Variants in NSMCE2 observed in about 807,000 individuals in gnomAD.
NSMCE2 encodes E3 SUMO-protein ligase NSE2.
A neutral mutation model predicts 23.8 loss-of-function variants in NSMCE2; 24 were observed. The observed-to-expected ratio is 1.01, with a 90% confidence interval of 0.73 to 1.42. The LOEUF is 1.42. NSMCE2 is among the 40% of genes most tolerant of loss of function. The probability of loss-of-function intolerance (pLI) is 0.00; values close to 1 mark genes in which losing one functional copy is unlikely to be tolerated. For synonymous variants in NSMCE2, 92 were observed against 94.1 expected (o/e 0.98, Z 0.13); for missense variants, 284 against 296.5 (o/e 0.96, Z 0.31).
intron 3 of NSMCE2, among the ~76,000 whole-genome samples, chr8:125,137,161 C>T (rs1820109996): frequency 6.6e-6 from 1 of 152,118 alleles, no homozygotes; most frequent in African/African-American, 2.4e-5. Context: ...GTTGTTCCCT[C>T]CTTTTGTGAT....
At chr8:125,225,346 C>G (rs1287261450) in intron 5 of NSMCE2, among the ~76,000 whole-genome samples, 1 of 152,212 alleles carries the variant, frequency 6.6e-6, no homozygotes, top group Non-Finnish European at 1.5e-5. Flanking sequence ...CTAACAACCT[C>G]TTTCTGTCCT....
At chr8:125,155,580 TTA>T (rs1387338144) in intron 4 of NSMCE2, among the ~76,000 whole-genome samples, 3 of 152,218 alleles carry the variant, frequency 2.0e-5, no homozygotes, top group African/African-American at 7.2e-5. Context: ...GATTTAAGAA[TTA>T]TTTTATTATC....
chr8:125,318,523 T>A (rs1829298540), intron 5 of NSMCE2, among the ~76,000 whole-genome samples: 1 of 152,208 alleles, frequency 6.6e-6, no homozygotes, highest in Admixed American at 6.5e-5. Flanking sequence ...ATTCAACATG[T>A]AAGTCCACAC....
rs966304626 is a variant in NSMCE2, at chr8:125,145,023, A to G, written c.158-6148A>G. Among the ~76,000 whole-genome samples, 13 of 152,326 alleles carry G rather than the reference A, an allele frequency of 8.5e-5. No individual in the cohort carries two copies. The East Asian group carries it at 9.6e-4, about 11-fold the overall frequency. On this transcript the variant is annotated intron_variant, in intron 3 of 7. Transcript: ENST00000287437. ...CTTTAGGAAAATCATACGCAGGCCA[A>G]CTTCACCCATTTAGAGACTTTTTGT...
At chr8:125,297,323 C>G (rs1040830664) in intron 5 of NSMCE2, among the ~76,000 whole-genome samples, 1 of 152,180 alleles carries the variant, frequency 6.6e-6, no homozygotes, top group East Asian at 1.9e-4. Flanking sequence ...TTTTCCCCTC[C>G]CCTGCAAAGG....
At chr8:125,322,999 C>T (rs1829515207) in intron 5 of NSMCE2, among the ~76,000 whole-genome samples, 1 of 152,132 alleles carries the variant, frequency 6.6e-6, no homozygotes, top group Non-Finnish European at 1.5e-5. Context: ...TCGGAGGTTG[C>T]AGTGAGCCAA....
chr8:125,272,768 C>T (rs1330395078), intron 5 of NSMCE2, among the ~76,000 whole-genome samples: 1 of 140,066 alleles, frequency 7.1e-6, no homozygotes, highest in African/African-American at 2.7e-5. Context: ...TATATATATA[C>T]ACACACACGT....
chr8:125,171,082 C>A lies in NSMCE2; in HGVS notation c.265-11021C>A, dbSNP rs1027425519. Among the ~76,000 whole-genome samples, 3 of 152,196 alleles carry A rather than the reference C, an allele frequency of 2.0e-5. No individual in the cohort carries two copies. The South Asian group carries it at 6.2e-4, about 31-fold the overall frequency. ...TGACTCCAACTATATGGCTCACCCC[C>A]TCATTTTCTTTAGGTCTCTGGTTCA... On this transcript the variant is annotated intron_variant, in intron 4 of 7. Coordinates refer to ENST00000287437, the MANE Select transcript of NSMCE2 (RefSeq NM_173685.4).
At chr8:125,112,500 A>G (rs372210772) in intron 3 of NSMCE2, among the ~76,000 whole-genome samples, 4 of 152,230 alleles carry the variant, frequency 2.6e-5, no homozygotes, top group Admixed American at 6.5e-5. Flanking sequence ...GTGTCTATCA[A>G]TGGATGAATG....
intron 3 of NSMCE2, among the ~76,000 whole-genome samples, chr8:125,128,929 C>A (rs1819632323): frequency 6.6e-6 from 1 of 152,136 alleles, no homozygotes; most frequent in African/African-American, 2.4e-5. Flanking sequence ...TAATCTTAAT[C>A]CCCCCTTTCC....
chr8:125,295,703 C>T (rs184027461), intron 5 of NSMCE2, among the ~76,000 whole-genome samples: 90 of 152,140 alleles, frequency 5.9e-4, no homozygotes, highest in Non-Finnish European at 1.2e-3. Context: ...TTGTGTGGCT[C>T]GGTTGGGGAA....
intron 7 of NSMCE2, among the ~76,000 whole-genome samples, chr8:125,359,739 G>A (rs1813446876): frequency 6.6e-6 from 1 of 152,200 alleles, no homozygotes; most frequent in Admixed American, 6.5e-5. Context: ...AGTACTTAAA[G>A]TAGCTGGTAC....
intron 4 of NSMCE2, among the ~76,000 whole-genome samples, chr8:125,166,464 A>G (rs775884657): frequency 1.6e-4 from 25 of 152,114 alleles, no homozygotes; most frequent in Non-Finnish European, 3.2e-4. Flanking sequence ...ATGGGGATTC[A>G]TCATGTTGAC....
At chr8:125,132,282 T>G (rs935219824) in intron 3 of NSMCE2, among the ~76,000 whole-genome samples, 7 of 152,118 alleles carry the variant, frequency 4.6e-5, no homozygotes, top group Non-Finnish European at 8.8e-5. Flanking sequence ...AAAAATGTTT[T>G]GTACAGACAG....
At chr8:125,189,461 C>G (rs917936116) in intron 5 of NSMCE2, among the ~76,000 whole-genome samples, 6 of 152,204 alleles carry the variant, frequency 3.9e-5, no homozygotes, top group Admixed American at 3.9e-4. Context: ...TGGGCCTGTC[C>G]AGACATGCCT....
At chr8:125,132,415 A>C (rs1223500776) in intron 3 of NSMCE2, among the ~76,000 whole-genome samples, 1 of 152,130 alleles carries the variant, frequency 6.6e-6, no homozygotes, top group Non-Finnish European at 1.5e-5. Context: ...TCAGCTCTCT[A>C]GGAAGCAGTG....
At chr8:125,303,013 G>A (rs1445675355) in intron 5 of NSMCE2, among the ~76,000 whole-genome samples, 5 of 152,090 alleles carry the variant, frequency 3.3e-5, no homozygotes, top group Admixed American at 6.6e-5. Context: ...CACACTCCCC[G>A]CATCTTCTGT....
At chr8:125,206,098 A>G (rs1385678076) in intron 5 of NSMCE2, among the ~76,000 whole-genome samples, 1 of 152,206 alleles carries the variant, frequency 6.6e-6, no homozygotes, top group African/African-American at 2.4e-5. Context: ...GTTTTATCAT[A>G]TAATATTAAA....
At chr8:125,113,491 T>C (rs1383547707) in intron 3 of NSMCE2, among the ~76,000 whole-genome samples, 1 of 152,000 alleles carries the variant, frequency 6.6e-6, no homozygotes, top group Non-Finnish European at 1.5e-5. Flanking sequence ...AAAAAATAAA[T>C]AAATAAAAAT....
Sources: gnomAD v4.1 joint callset for allele counts (sites outside exome capture counted in the v4.1 genomes callset) on GRCh38, gnomAD v4.1.1 for gene constraint, MANE v1.5 for transcripts, NCBI Gene and HGNC (gene_info 2026-07-23, HGNC 2026-07-21) for gene names.